Variants in ZNF594 observed in about 807,000 individuals in gnomAD.
The protein encoded by ZNF594 is zinc finger protein 594.
For synonymous variants in ZNF594, 336 were observed against 309.4 expected, an observed-to-expected ratio of 1.09 and a Z score of -0.90; for missense variants, 1,037 against 964.6, an observed-to-expected ratio of 1.08 and a Z score of -0.99.
chr17:5,176,779 C>G (rs1023508985), downstream of ZNF594, among the ~76,000 whole-genome samples: 1 of 151,272 alleles, frequency 6.6e-6, no homozygotes, highest in Non-Finnish European at 1.5e-5. Context: ...GATTGACAGT[C>G]AATCACATAA....
rs2074358307 is a variant in ZNF594, at chr17:5,183,072, C to G, written c.1185G>C (p.Gln395His). Residue 395 changes from glutamine to histidine, a missense_variant, in exon 2 of 2, where the codon CAG (glutamine) becomes CAC (histidine). Physicochemically the swap from Gln to His is conservative, Grantham distance 24. Transcript: ENST00000575779. Reference sequence around the variant, plus strand: ...ATGGTTTCTCTCCTGTATGAGTTACCTGATGTCTGATGAGGTCTGAGGTGC... The same window carrying G: ...ATGGTTTCTCTCCTGTATGAGTTACGTGATGTCTGATGAGGTCTGAGGTGC... ...FQGTSDLIRHQVTHTGEKPYE... is the reference protein window; with the variant it reads ...FQGTSDLIRHHVTHTGEKPYE... 1 of 1,614,136 alleles carries G rather than the reference C, an allele frequency of 6.2e-7. No individual in the cohort carries two copies.
At chr17:5,178,129 A>G (rs568159765), downstream of ZNF594, among the ~76,000 whole-genome samples, 3 of 150,644 alleles carry the variant, frequency 2.0e-5, no homozygotes, top group South Asian at 6.3e-4. Flanking sequence ...AGGACCTTAG[A>G]AAAAAAAATT....
At chr17:5,178,423 T>C (rs1207599272), downstream of ZNF594, among the ~76,000 whole-genome samples, 1 of 152,194 alleles carries the variant, frequency 6.6e-6, no homozygotes, top group South Asian at 2.1e-4. Flanking sequence ...GGCAGCTTCC[T>C]TAATCTCATT....
Position 5,181,753 on chromosome 17 carries a change from G to C in ZNF594, c.*80C>G. 2.5e-6 allele frequency: 4 copies of C among 1,597,612 alleles called. No homozygotes were observed. The highest frequency in any genetic ancestry group is 3.4e-6 in the Non-Finnish European group (4 of 1,165,210). Reference sequence around the variant, plus strand: ...GGTTTCTCTCCAGTATGAACACGATGGTGTTTAATAAGATCTGAGCTGCTC... The same window carrying C: ...GGTTTCTCTCCAGTATGAACACGATCGTGTTTAATAAGATCTGAGCTGCTC... On this transcript the variant is annotated 3_prime_UTR_variant, in exon 2 of 2. Transcript: ENST00000575779.
chr17:5,179,435 T>C, downstream of ZNF594: 2 of 169,040 alleles, frequency 1.2e-5, no homozygotes, highest in Non-Finnish European at 1.4e-5. Flanking sequence ...CCTGAGAACC[T>C]CAAGGAGGAC....
chr17:5,181,663 T>C lies in ZNF594; in HGVS notation c.*170A>G. ...TGATAGGGCTTCTCTCCAGTGTGGA[T>C]TTTCTGGTGTGTGACAAGGTGGGAC... On this transcript the variant is annotated 3_prime_UTR_variant, in exon 2 of 2. Coordinates refer to ENST00000575779, the MANE Select transcript of ZNF594 (RefSeq NM_032530.2). 1.9e-6 allele frequency: 3 copies of C among 1,580,270 alleles called. No homozygotes were observed. The highest frequency in any genetic ancestry group is 2.2e-5 in the South Asian group (2 of 90,358).
the ZNF594 span, chr17:5,174,213 G>A: frequency 5.2e-6 from 1 of 191,158 alleles, no homozygotes; most frequent in African/African-American, 2.3e-5. Context: ...TGGAACAAAA[G>A]TATAAATATT....
chr17:5,174,569 CT>C, downstream of ZNF594: 1 of 193,442 alleles, frequency 5.2e-6, no homozygotes, highest in Non-Finnish European at 1.1e-5. Flanking sequence ...AAAATGCACA[CT>C]TTATAGTTTC....
chr17:5,183,745 A>T lies in ZNF594; in HGVS notation c.512T>A (p.Ile171Asn), dbSNP rs9908414. ...GKDSNQSSNL[I>N]IHQRIHTGKK... is the part of the protein sequence containing the mutation. ...TCCTGTATGAATTCTCTGATGTATA[A>T]TAAGATTTGAACTTTGATTAGAGTC... Residue 171 changes from isoleucine (I) to asparagine (N), a missense_variant, in exon 2 of 2, where the codon ATT (isoleucine) becomes AAT (asparagine). Transcript: ENST00000575779. 2 of 1,600,390 alleles carry T rather than the reference A, an allele frequency of 1.2e-6. No individual in the cohort carries two copies. Among genetic ancestry groups the T allele is most frequent in the Non-Finnish European group, 1.7e-6 (2 of 1,179,842 alleles).
chr17:5,190,591 G>A (rs1361694181), intron 1 of ZNF594, among the ~76,000 whole-genome samples: 6 of 152,160 alleles, frequency 3.9e-5, no homozygotes, highest in Non-Finnish European at 8.8e-5. Context: ...ATGCCTAGAG[G>A]AAGACTCACA....
Position 5,184,147 on chromosome 17 carries a change from G to T in ZNF594, c.110C>A (p.Thr37Asn), listed in dbSNP as rs774850501. ...CAATAATCTGTCCTCAGAATTACTG[G>T]TTTCAACTAACTCACATTCCTGGGT... ...QITQECELVE[T>N]SNSEDRLLKH... The change falls in exon 2 of 2, where the codon ACC (threonine) becomes AAC (asparagine). Residue 37 changes from threonine to asparagine, a missense_variant. Coordinates refer to ENST00000575779, the MANE Select transcript of ZNF594 (RefSeq NM_032530.2). 1 of 1,614,052 alleles carries T rather than the reference G, an allele frequency of 6.2e-7. No homozygotes were observed. Among genetic ancestry groups the T allele is most frequent in the South Asian group, 1.1e-5 (1 of 91,076 alleles).
chr17:5,181,861 G>T lies in ZNF594; in HGVS notation c.2396C>A (p.Ser799Ter). 1 of 1,613,854 alleles carries T rather than the reference G, an allele frequency of 6.2e-7. No individual in the cohort carries two copies. The highest frequency in any genetic ancestry group is 8.5e-7 in the Non-Finnish European group (1 of 1,179,936). The change falls in exon 2 of 2, where the codon TCA (serine) becomes TAA (stop). Residue 799 changes from serine (S) to a stop codon, truncating the protein, a stop_gained. Coordinates refer to ENST00000575779, the MANE Select transcript of ZNF594 (RefSeq NM_032530.2). LOFTEE classifies it low-confidence loss of function (END_TRUNC). ...TGATGTCTCAGAAGGTCTGAGCTCT[G>T]ATTGAGTTTTCCCACATTCTTTACA... ...YECKECGKTQ[S>*]ELRPSETS
At position 5,182,405 on chromosome 17, in the gene ZNF594, G is replaced by T. The variant is rs1193940792; in HGVS notation, c.1852C>A (p.His618Asn). 1 of 1,613,516 alleles carries T rather than the reference G, an allele frequency of 6.2e-7. No homozygotes were observed. Among genetic ancestry groups the T allele is most frequent in the African/African-American group, 1.3e-5 (1 of 74,494 alleles). ...SSDLLRHHRI[H>N]SGEKPYVCNK... ...CATACATAAGGTTTTTCTCCACTGT[G>T]AATTCTATGATGTCTCAGAAGGTCT... is the stretch of plus-strand genomic sequence containing the variant. The change falls in exon 2 of 2, where the codon CAC becomes AAC. Residue 618 changes from histidine to asparagine, a missense_variant. Transcript: ENST00000575779.
intron 1 of ZNF594, among the ~76,000 whole-genome samples, chr17:5,187,014 G>A (rs1013516896): frequency 6.6e-5 from 10 of 152,132 alleles, no homozygotes; most frequent in African/African-American, 1.4e-4. Flanking sequence ...AGACTGTTCC[G>A]ACCTTTGCCT....
At chr17:5,174,387 T>G in the ZNF594 span, 1 of 190,968 alleles carries the variant, frequency 5.2e-6, no homozygotes, top group East Asian at 8.3e-5. Flanking sequence ...ATTACCAATG[T>G]AACTAAGCAT....
chr17:5,184,748 G>C (rs1598133726), intron 1 of ZNF594, among the ~76,000 whole-genome samples: 1 of 152,222 alleles, frequency 6.6e-6, no homozygotes, highest in Admixed American at 6.5e-5. Flanking sequence ...ACCGGTACCA[G>C]GAAGTTAGTT....
Position 5,181,223 on chromosome 17 carries a change from G to A in ZNF594, c.*610C>T, listed in dbSNP as rs1182738472. 2.0e-5 allele frequency: 33 copies of A among 1,611,910 alleles called. No individual in the cohort carries two copies. Among genetic ancestry groups the A allele is most frequent in the Admixed American group, 1.2e-4 (7 of 60,006 alleles). ...CCCTAAAAGATTTCCCACATTTGTTGCATACATAAGGTTTTTCTCCACTGT... is the reference window on the plus strand; with the variant it reads ...CCCTAAAAGATTTCCCACATTTGTTACATACATAAGGTTTTTCTCCACTGT... On this transcript the variant is annotated 3_prime_UTR_variant, in exon 2 of 2. Transcript: ENST00000575779.
At chr17:5,178,784 A>G (rs2074320853), downstream of ZNF594, among the ~76,000 whole-genome samples, 1 of 152,234 alleles carries the variant, frequency 6.6e-6, no homozygotes, top group Admixed American at 6.5e-5. Flanking sequence ...TATAAAATCA[A>G]TTAGATTCTT....
chr17:5,177,721 A>G (rs1316947822), downstream of ZNF594, among the ~76,000 whole-genome samples: 3 of 152,140 alleles, frequency 2.0e-5, no homozygotes, highest in Non-Finnish European at 2.9e-5. Flanking sequence ...CTGTAACTCC[A>G]GCTACTCAGG....
Sources: gnomAD v4.1 joint callset for allele counts (sites outside exome capture counted in the v4.1 genomes callset) on GRCh38, gnomAD v4.1.1 for gene constraint, MANE v1.5 for transcripts, NCBI Gene and HGNC (gene_info 2026-07-23, HGNC 2026-07-21) for gene names.